Variants in RCOR1 observed in about 807,000 individuals in gnomAD.
RCOR1 encodes the protein REST corepressor.
Under a neutral mutation model 64.0 loss-of-function variants are expected in RCOR1, and 12 were observed. The ratio of observed to expected loss-of-function variants is 0.19; its 90% CI spans 0.12 to 0.30. The LOEUF (loss-of-function observed/expected upper bound fraction) is 0.30. RCOR1 is among the 10% of genes least tolerant of loss of function. The pLI is 1.00. For missense variants in RCOR1, 502 were observed against 621.2 expected, an observed-to-expected ratio of 0.81 and a Z score of 2.04; for synonymous variants, 279 against 227.2, an observed-to-expected ratio of 1.23 and a Z score of -2.05.
chr14:102,681,765 T>G, intron 2 of RCOR1, 130 bp from the exon 3 acceptor site: 1 of 608,952 alleles, frequency 1.6e-6, no homozygotes, highest in Admixed American at 2.6e-5. Context: ...CTCACTCTGA[T>G]GTTAAGTGTG....
chr14:102,677,061 C>T (rs1362236345), intron 2 of RCOR1, among the ~76,000 whole-genome samples: 12 of 118,502 alleles, frequency 1.0e-4, no homozygotes, highest in Non-Finnish European at 1.6e-4. Flanking sequence ...CCGGACGGGG[C>T]GGCTGGCCGG....
At chr14:102,659,397 A>G (rs1174724775) in intron 2 of RCOR1, 1 of 401,584 alleles carries the variant, frequency 2.5e-6, no homozygotes, top group African/African-American at 2.2e-5. Context: ...AATATTAACA[A>G]CAATAAAAAT....
intron 3 of RCOR1, among the ~76,000 whole-genome samples, chr14:102,685,821 G>A (rs1895406731): frequency 6.6e-6 from 1 of 152,074 alleles, no homozygotes; most frequent in Non-Finnish European, 1.5e-5. Context: ...AAGTTAGCTG[G>A]GTGCGTGGCA....
chr14:102,670,529 CTGTT>C (rs1161624808), intron 2 of RCOR1, among the ~76,000 whole-genome samples: 1 of 151,942 alleles, frequency 6.6e-6, no homozygotes, highest in African/African-American at 2.4e-5. Flanking sequence ...ATACAGTTCT[CTGTT>C]TATACTTTTC....
intron 2 of RCOR1, among the ~76,000 whole-genome samples, chr14:102,677,387 G>A: frequency 4.9e-5 from 7 of 141,640 alleles, no homozygotes; most frequent in African/African-American, 5.6e-5. Context: ...GGGCGGAGAC[G>A]CTCCTCACTT....
At position 102,628,915 on chromosome 14, in the gene RCOR1, C is replaced by T. The variant is rs145530550; in HGVS notation, c.361+35590C>T. On this transcript the variant is annotated intron_variant, in intron 2 of 11. Transcript: ENST00000262241. ...GCTCTTTTTTTTTTTTTTTTTGAGA[C>T]GGTCTCGCTCTGTCACCCAGGCTGG... Among the ~76,000 whole-genome samples the T allele has an allele frequency of 7.0e-3, 997 of 143,184 alleles. 10 individuals carry two copies. The highest frequency in any genetic ancestry group is 0.025 in the African/African-American group (951 of 37,790). 93.9% of individuals were successfully genotyped at this position (143,184 alleles called of 152,430 possible). A position where few individuals can be genotyped will look rare whatever the true frequency, so the allele number is the denominator to read the frequency against.
chr14:102,719,009 T>G (rs1041599361), intron 8 of RCOR1, among the ~76,000 whole-genome samples: 2 of 152,162 alleles, frequency 1.3e-5, no homozygotes, highest in African/African-American at 4.8e-5. Flanking sequence ...CAGGCTGTTC[T>G]TGAACTCCTG....
At chr14:102,639,960 C>T (rs2139919916) in intron 2 of RCOR1, among the ~76,000 whole-genome samples, 1 of 152,336 alleles carries the variant, frequency 6.6e-6, no homozygotes, top group African/African-American at 2.4e-5. Flanking sequence ...GATTCTCTGC[C>T]TCAGCCTCAT....
At chr14:102,616,248 G>GCA (rs1893759927) in intron 2 of RCOR1, among the ~76,000 whole-genome samples, 1 of 149,612 alleles carries the variant, frequency 6.7e-6, no homozygotes, top group Admixed American at 6.7e-5. Flanking sequence ...GTGTGTGTGT[G>GCA]TATGTGTGTG....
intron 2 of RCOR1, among the ~76,000 whole-genome samples, chr14:102,669,555 G>A (rs10137079): frequency 1.3e-5 from 2 of 152,250 alleles, no homozygotes; most frequent in African/African-American, 4.8e-5. Context: ...TAACACCACC[G>A]ACTCTGTCTT....
At chr14:102,634,224 C>G (rs2139913667) in intron 2 of RCOR1, among the ~76,000 whole-genome samples, 1 of 152,154 alleles carries the variant, frequency 6.6e-6, no homozygotes, top group Non-Finnish European at 1.5e-5. Flanking sequence ...GTATAAAAAA[C>G]AGGCTGGGCT....
At chr14:102,593,463 C>T (rs1893177322) in intron 2 of RCOR1, 138 bp downstream of exon 2, 3 of 922,828 alleles carry the variant, frequency 3.3e-6, no homozygotes, top group East Asian at 3.3e-5. Context: ...AACAGCAGGG[C>T]GAGGACGAGG....
chr14:102,592,955 C>G lies in RCOR1; in HGVS notation c.69C>G (p.Ala23=), dbSNP rs1196335322. Residue 23 remains alanine (A), a synonymous_variant, in exon 1 of 12, where the codon GCC becomes GCG. Coordinates refer to ENST00000262241, the MANE Select transcript of RCOR1 (RefSeq NM_015156.4). ...GKRRGRNNAA[A]SASAAAASAA... is the part of the protein sequence containing the mutation. ...GGAGAGGGAGGAACAACGCGGCCGC[C>G]TCCGCCTCCGCCGCCGCCGCCTCCG... The G allele has an allele frequency of 1.1e-5, 13 of 1,179,154 alleles. No individual in the cohort carries two copies. The highest frequency in any genetic ancestry group is 1.4e-5 in the Non-Finnish European group (13 of 949,090). The allele number at this position is 1,179,154 out of a possible 1,614,324, so 73.0% of individuals were successfully genotyped here. A position where few individuals can be genotyped will look rare whatever the true frequency, so the allele number is the denominator to read the frequency against.
chr14:102,638,968 G>A (rs533537920), intron 2 of RCOR1, among the ~76,000 whole-genome samples: 1 of 152,254 alleles, frequency 6.6e-6, no homozygotes, highest in South Asian at 2.1e-4. Context: ...CAGCCTAGTA[G>A]TATTTTCTAT....
intron 4 of RCOR1, 59 bp from the exon 5 acceptor site, chr14:102,707,292 C>A: frequency 1.4e-6 from 2 of 1,392,994 alleles, no homozygotes; most frequent in Non-Finnish European, 1.9e-6. Context: ...TTGCTGGTCT[C>A]ATTTCCATTT....
intron 2 of RCOR1, chr14:102,649,608 G>A (rs971737924): frequency 1.3e-5 from 2 of 159,474 alleles, no homozygotes; most frequent in African/African-American, 4.8e-5. Flanking sequence ...TCTAGCGGTG[G>A]TGTCCACTAT....
intron 8 of RCOR1, among the ~76,000 whole-genome samples, chr14:102,715,309 G>T (rs1896048217): frequency 6.7e-6 from 1 of 149,260 alleles, no homozygotes; most frequent in Non-Finnish European, 1.5e-5. Flanking sequence ...CTGATCTCAT[G>T]ATCCACCCGC....
chr14:102,593,415 C>G (rs1231039317), intron 2 of RCOR1, 90 bp downstream of exon 2: 2 of 1,362,448 alleles, frequency 1.5e-6, no homozygotes, highest in Non-Finnish European at 9.5e-7. Flanking sequence ...CCGCCGACAA[C>G]TTTCTTTTTG....
chr14:102,616,269 T>C (rs1428876109), intron 2 of RCOR1, among the ~76,000 whole-genome samples: 1 of 150,820 alleles, frequency 6.6e-6, no homozygotes, highest in African/African-American at 2.5e-5. Context: ...TGTGTATATA[T>C]ATATTTAAAT....
Sources: allele counts gnomAD v4.1 joint callset (sites outside exome capture counted in the v4.1 genomes callset), GRCh38; gene constraint gnomAD v4.1.1; transcripts MANE v1.5; gene names NCBI Gene and HGNC (gene_info 2026-07-23, HGNC 2026-07-21).